The following SGK2 variants were observed in gnomAD, a reference collection of about 807,000 sequenced individuals.
SGK2 encodes serine/threonine-protein kinase Sgk2.
A neutral mutation model predicts 47.5 loss-of-function variants in SGK2; 36 were observed. That is an observed-to-expected ratio of 0.76 (90% CI 0.58 to 1.00). SGK2 has a LOEUF of 1.00. Among genes scored for constraint, SGK2 ranks in the 50% least tolerant of loss-of-function variants. The pLI is 0.00. For missense variants in SGK2, 404 were observed against 467.4 expected, an observed-to-expected ratio of 0.86 and a Z score of 1.25; for synonymous variants, 157 against 181.9, an observed-to-expected ratio of 0.86 and a Z score of 1.10.
At chr20:43,576,678 G>T (rs766937368) in intron 11 of SGK2, among the ~76,000 whole-genome samples, 2 of 152,230 alleles carry the variant, frequency 1.3e-5, no homozygotes, top group Non-Finnish European at 2.9e-5. Context: ...CGGCATACAC[G>T]CCTGTAATCC....
At chr20:43,561,854 T>C (rs1979405367) in intron 1 of SGK2, among the ~76,000 whole-genome samples, 1 of 152,146 alleles carries the variant, frequency 6.6e-6, no homozygotes, top group South Asian at 2.1e-4. Context: ...ATTGCAATAA[T>C]CCATTCAAGT....
At chr20:43,571,148 G>A in intron 8 of SGK2, 88 bp downstream of exon 8, 2 of 1,585,526 alleles carry the variant, frequency 1.3e-6, no homozygotes, top group Non-Finnish European at 1.7e-6. Context: ...CTGTGTACAT[G>A]GGTGTGCATG....
Position 43,567,133 on chromosome 20 carries a change from T to G in SGK2, c.86+16T>G. On this transcript the variant is annotated intron_variant, in intron 3 of 12. Coordinates refer to ENST00000373100, the MANE Select transcript of SGK2 (RefSeq NM_170693.3). ...CCAACCCAAAGTGAGTTCTGGTCCC[T>G]CAAGCACCTTTCCTACTTGACTCCC... 3.7e-6 allele frequency: 6 copies of G among 1,611,244 alleles called. No homozygotes were observed. Among genetic ancestry groups the G allele is most frequent in the Admixed American group, 1.7e-5 (1 of 60,022 alleles).
chr20:43,578,136 G>C (rs1031919571), intron 11 of SGK2, among the ~76,000 whole-genome samples: 1 of 152,138 alleles, frequency 6.6e-6, no homozygotes, highest in Non-Finnish European at 1.5e-5. Flanking sequence ...ACAAAAAGAA[G>C]GCCGCAATAT....
chr20:43,567,726 A>G lies in SGK2; in HGVS notation c.144+4A>G. The G allele has an allele frequency of 6.2e-7, 1 of 1,614,034 alleles. No homozygotes were observed. On this transcript the variant is annotated splice_donor_region_variant and intron_variant, in intron 4 of 12. Transcript: ENST00000373100. ...CGGCAAAGGGAACTACGGGAAGGTG[A>G]GTGACTTGGTGAGGGTGGGAAGCCT...
In SGK2 at chr20:43,585,121, C is replaced by A; in HGVS notation, c.*105C>A. 8.8e-7 allele frequency: 1 copy of A among 1,138,194 alleles called. No homozygotes were observed. The highest frequency in any genetic ancestry group is 1.3e-6 in the Non-Finnish European group (1 of 799,188). The allele number at this position is 1,138,194 out of a possible 1,614,324, so 70.5% of individuals were successfully genotyped here. ...AACTAACAATGGCTTCAACGAGAAG[C>A]AGGTTTATTTTTTCCAGCACATAAA... On this transcript the variant is annotated 3_prime_UTR_variant, in exon 13 of 13. Transcript: ENST00000373100.
intron 6 of SGK2, 43 bp from the exon 7 acceptor site, chr20:43,570,568 CCTACAG>C (rs773134114): frequency 9.1e-6 from 12 of 1,314,338 alleles, no homozygotes; most frequent in Non-Finnish European, 1.2e-5. Context: ...GCACCCTAGC[CCTACAG>C]CAGCCACCCA....
chr20:43,575,152 T>G, intron 10 of SGK2, 148 bp downstream of exon 10: 1 of 597,836 alleles, frequency 1.7e-6, no homozygotes, highest in Non-Finnish European at 3.0e-6. Flanking sequence ...AATATGCAAA[T>G]TATTATTTTT....
chr20:43,563,383 A>T (rs1262443101), intron 1 of SGK2, among the ~76,000 whole-genome samples: 2 of 152,182 alleles, frequency 1.3e-5, no homozygotes, highest in Non-Finnish European at 2.9e-5. Flanking sequence ...AATGGGGAAC[A>T]TGAGCACACC....
At chr20:43,560,113 G>A (rs1293625308) in intron 1 of SGK2, among the ~76,000 whole-genome samples, 1 of 152,118 alleles carries the variant, frequency 6.6e-6, no homozygotes, top group Non-Finnish European at 1.5e-5. Context: ...ATGGGCCATG[G>A]GCATGCCAGG....
chr20:43,567,193 T>A, intron 3 of SGK2, 76 bp downstream of exon 3: 1 of 1,225,484 alleles, frequency 8.2e-7, no homozygotes, highest in Non-Finnish European at 1.2e-6. Context: ...GGGAATAAAA[T>A]CCAGATTCTC....
intron 9 of SGK2, among the ~76,000 whole-genome samples, chr20:43,573,348 G>C (rs929422856): frequency 2.6e-5 from 4 of 152,172 alleles, no homozygotes; most frequent in African/African-American, 7.2e-5. Context: ...AATTAGCCAG[G>C]TGTGCTGGCA....
At chr20:43,559,692 G>A (rs1568654215) in intron 1 of SGK2, among the ~76,000 whole-genome samples, 1 of 152,324 alleles carries the variant, frequency 6.6e-6, no homozygotes, top group East Asian at 1.9e-4. Flanking sequence ...AGGAGAGGGT[G>A]CATGGGATCG....
At chr20:43,563,605 C>G (rs750800349) in intron 1 of SGK2, among the ~76,000 whole-genome samples, 33 of 152,138 alleles carry the variant, frequency 2.2e-4, no homozygotes, top group Non-Finnish European at 4.4e-4. Flanking sequence ...GAAATGGGAC[C>G]ATATCTGGAC....
chr20:43,582,161 CCTCAGCCTCCTGAGT>C (rs1469809548), intron 12 of SGK2, among the ~76,000 whole-genome samples: 1 of 3,876 alleles, frequency 2.6e-4, no homozygotes, highest in East Asian at 0.01. Context: ...CATCCTCCTA[CCTCAGCCTCCTGAGT>C]ACCTCAGCCT....
intron 3 of SGK2, among the ~76,000 whole-genome samples, chr20:43,567,384 C>G (rs1210028153): frequency 2.0e-5 from 3 of 152,198 alleles, no homozygotes; most frequent in Non-Finnish European, 4.4e-5. Context: ...GTACCAGAAC[C>G]CTGCCTTCTA....
intron 1 of SGK2, chr20:43,565,198 T>C (rs1281759328): frequency 6.6e-6 from 1 of 152,286 alleles, no homozygotes; most frequent in Non-Finnish European, 1.5e-5. Context: ...TAGGCCCTTG[T>C]TGGGAGAACA....
chr20:43,580,146 A>G, intron 12 of SGK2, 85 bp downstream of exon 12: 1 of 824,532 alleles, frequency 1.2e-6, no homozygotes, highest in Non-Finnish European at 1.9e-6. Context: ...TCTAGATGGA[A>G]AACTTGGGGG....
chr20:43,575,061 C>A, intron 10 of SGK2, 57 bp downstream of exon 10: 2 of 1,173,112 alleles, frequency 1.7e-6, no homozygotes, highest in East Asian at 2.4e-5. Flanking sequence ...GTCTGTCTCT[C>A]ATGTGGTCTA....
Sources: gnomAD v4.1 joint callset for allele counts (sites outside exome capture counted in the v4.1 genomes callset) on GRCh38, gnomAD v4.1.1 for gene constraint, MANE v1.5 for transcripts, NCBI Gene and HGNC (gene_info 2026-07-23, HGNC 2026-07-21) for gene names.